RDH12: variants seen among roughly 807,000 people sequenced by gnomAD.
RDH12 encodes the protein all-trans and 9-cis retinol dehydrogenase.
In RDH12, 21 loss-of-function variants were observed where a neutral mutation model predicts 34.0. The ratio of observed to expected loss-of-function variants is 0.62; its 90% confidence interval spans 0.44 to 0.89. The LOEUF (loss-of-function observed/expected upper bound fraction) is 0.89, where lower values mean the gene tolerates loss of function less well. Ranked by LOEUF, RDH12 falls within the 40% of genes least tolerant of loss-of-function variation. The probability of loss-of-function intolerance (pLI) is 0.00; values close to 1 mark genes in which losing one functional copy is unlikely to be tolerated. For synonymous variants in RDH12, 198 were observed against 169.9 expected (o/e 1.17, Z -1.29); for missense variants, 394 against 398.6 (o/e 0.99, Z 0.10).
chr14:67,708,428 A>G lies in RDH12; in HGVS notation c.-275+6493A>G, dbSNP rs2037973560. On this transcript the variant is annotated intron_variant, in intron 1 of 8. Transcript: ENST00000551171. ...AAACCTGCATTTAAGAACACCTGTT[A>G]GAGTTCTATAGCTGATTATAAAACC... 2.0e-5 allele frequency among the ~76,000 whole-genome samples: 3 copies of G among 152,166 alleles called. No individual in the cohort carries two copies. The South Asian group carries it at 6.2e-4, about 31-fold the overall frequency.
intron 2 of RDH12, among the ~76,000 whole-genome samples, chr14:67,722,099 C>T (rs2038130473): frequency 6.6e-6 from 1 of 152,154 alleles, no homozygotes. Flanking sequence ...GAGTTCCAGT[C>T]ATCTCCCTCC....
intron 2 of RDH12, among the ~76,000 whole-genome samples, chr14:67,722,103 T>C (rs2038130578): frequency 6.6e-6 from 1 of 152,152 alleles, no homozygotes; most frequent in Admixed American, 6.5e-5. Context: ...TCCAGTCATC[T>C]CCCTCCCCAG....
intron 7 of RDH12, 27 bp downstream of exon 7, chr14:67,727,217 AAAATGGTCCTCAGACC>A: frequency 6.3e-7 from 1 of 1,587,704 alleles, no homozygotes; most frequent in Non-Finnish European, 8.6e-7. Context: ...AGGAATAGCA[AAAATGGTCCTCAGACC>A]AAATTAGAGG....
intron 5 of RDH12, among the ~76,000 whole-genome samples, chr14:67,725,472 G>A (rs554103783): frequency 2.0e-5 from 3 of 152,326 alleles, no homozygotes; most frequent in South Asian, 2.1e-4. Flanking sequence ...TGGGAATGTC[G>A]GAGGTGTTAG....
chr14:67,731,349 G>T (rs1490787369), intron 8 of RDH12, among the ~76,000 whole-genome samples: 1 of 151,018 alleles, frequency 6.6e-6, no homozygotes, highest in Non-Finnish European at 1.5e-5. Context: ...CGAGTAGCTG[G>T]GATTACAGGT....
In RDH12 at chr14:67,722,733, A is replaced by G. The variant is rs1566845637; in HGVS notation, c.68+23A>G. On this transcript the variant is annotated intron_variant, in intron 3 of 8. Coordinates refer to ENST00000551171, the MANE Select transcript of RDH12 (RefSeq NM_152443.3). ...CAGGTTTGTCTTAATTCAGCAACTC[A>G]AACAATCGTTTACAAAGACCTGCAC... The G allele has an allele frequency of 2.5e-6, 4 of 1,599,834 alleles. No individual in the cohort carries two copies. The Admixed American group carries it at 5.0e-5, about 20-fold the overall frequency.
At chr14:67,725,323 A>G in intron 5 of RDH12, 69 bp downstream of exon 5, 3 of 1,498,786 alleles carry the variant, frequency 2.0e-6, no homozygotes, top group Non-Finnish European at 2.8e-6. Flanking sequence ...ACCCTAGACC[A>G]TCTATGGCCC....
intron 4 of RDH12, 83 bp from the exon 5 acceptor site, chr14:67,725,016 T>G: frequency 6.8e-7 from 1 of 1,460,398 alleles, no homozygotes; most frequent in South Asian, 1.1e-5. Flanking sequence ...GAATGCTCTG[T>G]CCCCCAGTCC....
intron 7 of RDH12, chr14:67,727,404 A>G (rs1214790077): frequency 5.5e-6 from 3 of 544,588 alleles, no homozygotes; most frequent in Non-Finnish European, 1.0e-5. Flanking sequence ...GTTACCTTGT[A>G]TTTGTGTCAC....
intron 5 of RDH12, 101 bp downstream of exon 5, chr14:67,725,355 C>A (rs138859937): frequency 7.4e-6 from 9 of 1,218,180 alleles, no homozygotes; most frequent in South Asian, 1.3e-5. Flanking sequence ...CCATCATCCA[C>A]CCCACTAGAC....
At chr14:67,709,291 G>A (rs981970400) in intron 1 of RDH12, among the ~76,000 whole-genome samples, 1 of 152,170 alleles carries the variant, frequency 6.6e-6, no homozygotes, top group Non-Finnish European at 1.5e-5. Flanking sequence ...TTCATTCTTT[G>A]AGAGAGGAGA....
At chr14:67,717,357 A>G (rs1048928054) in intron 1 of RDH12, among the ~76,000 whole-genome samples, 24 of 152,232 alleles carry the variant, frequency 1.6e-4, no homozygotes, top group Admixed American at 1.4e-3. Context: ...GATTAGAGGT[A>G]AACAGAATTA....
chr14:67,706,469 G>A (rs968838520), intron 1 of RDH12, among the ~76,000 whole-genome samples: 3 of 152,158 alleles, frequency 2.0e-5, no homozygotes, highest in Non-Finnish European at 2.9e-5. Context: ...AGGGAGACAC[G>A]GGACATCAAT....
At chr14:67,727,559 T>C (rs957540452) in intron 7 of RDH12, 3 of 293,030 alleles carry the variant, frequency 1.0e-5, no homozygotes, top group Non-Finnish European at 2.0e-5. Flanking sequence ...CTTGGCTCAC[T>C]GCGACCTCTG....
intron 1 of RDH12, chr14:67,715,193 A>G (rs1182308184): frequency 6.9e-6 from 1 of 145,832 alleles, no homozygotes. Flanking sequence ...ATTCCCTACG[A>G]ATTCATAGCA....
chr14:67,714,053 G>A (rs981476300), intron 1 of RDH12, among the ~76,000 whole-genome samples: 1 of 152,100 alleles, frequency 6.6e-6, no homozygotes, highest in East Asian at 1.9e-4. Context: ...GTGATTTTGG[G>A]GGCCCAAAAT....
intron 1 of RDH12, among the ~76,000 whole-genome samples, chr14:67,703,510 T>C (rs2140101641): frequency 6.6e-6 from 1 of 152,266 alleles, no homozygotes; most frequent in South Asian, 2.1e-4. Flanking sequence ...AGTTTCAAAG[T>C]AGGCAGAAAA....
At chr14:67,719,742 T>G (rs1320211017) in intron 1 of RDH12, among the ~76,000 whole-genome samples, 1 of 152,216 alleles carries the variant, frequency 6.6e-6, no homozygotes, top group African/African-American at 2.4e-5. Flanking sequence ...TTTCCCAAAG[T>G]GCAGGAATTA....
rs1006966712 is a variant in RDH12 at position 67,715,668 on chromosome 14, C to T, written c.-274-5180C>T. On this transcript the variant is annotated intron_variant, in intron 1 of 8. Coordinates refer to ENST00000551171, the MANE Select transcript of RDH12 (RefSeq NM_152443.3). ...AGTTCGTTCTTTTTGTAAGTATCTTCTGAAGGAGTGACTCACCATTTACTT... is the reference window on the plus strand; with the variant it reads ...AGTTCGTTCTTTTTGTAAGTATCTTTTGAAGGAGTGACTCACCATTTACTT... Among the ~76,000 whole-genome samples, 27 of 152,298 alleles carry T rather than the reference C, an allele frequency of 1.8e-4. No homozygotes were observed. In the Middle Eastern group the frequency reaches 0.01, roughly 58 times the overall value.
Sources: gnomAD v4.1 joint callset for allele counts (sites outside exome capture counted in the v4.1 genomes callset) on GRCh38, gnomAD v4.1.1 for gene constraint, MANE v1.5 for transcripts, NCBI Gene and HGNC (gene_info 2026-07-23, HGNC 2026-07-21) for gene names.